Variants in KIAA1549 observed in about 807,000 individuals in gnomAD.
KIAA1549 encodes the protein KIAA1549, also known as UPF0606 protein KIAA1549.
KIAA1549 carries 70 observed loss-of-function variants against 156.4 expected under a neutral mutation model. The ratio of observed to expected loss-of-function variants is 0.45; its 90% CI spans 0.37 to 0.55. KIAA1549 has a LOEUF of 0.55. Among genes scored for constraint, KIAA1549 ranks in the 20% least tolerant of loss-of-function variants. KIAA1549 has a pLI of 0.00. For synonymous variants in KIAA1549, 1,103 were observed against 1,066.4 expected, an observed-to-expected ratio of 1.03 and a Z score of -0.67; for missense variants, 2,428 against 2,540.9, an observed-to-expected ratio of 0.96 and a Z score of 0.96.
intron 6 of KIAA1549, among the ~76,000 whole-genome samples, chr7:138,905,288 C>G (rs367738086): frequency 1.3e-5 from 2 of 152,160 alleles, no homozygotes; most frequent in African/African-American, 4.8e-5. Context: ...AAAGAAGGGC[C>G]GCTCCAGCTA....
chr7:138,857,667 T>C (rs935586459), intron 16 of KIAA1549, among the ~76,000 whole-genome samples: 3 of 152,250 alleles, frequency 2.0e-5, no homozygotes, highest in Non-Finnish European at 4.4e-5. Flanking sequence ...GAAGCTCTAA[T>C]ACTATGCACA....
At chr7:138,919,882 T>A (rs957540819) in intron 1 of KIAA1549, among the ~76,000 whole-genome samples, 1 of 151,836 alleles carries the variant, frequency 6.6e-6, no homozygotes, top group African/African-American at 2.4e-5. Context: ...GGCCTGTGTG[T>A]TTTCTCTTCA....
intron 19 of KIAA1549, among the ~76,000 whole-genome samples, chr7:138,838,723 A>G (rs1274628745): frequency 6.6e-6 from 1 of 152,182 alleles, no homozygotes; most frequent in Non-Finnish European, 1.5e-5. Flanking sequence ...ATTTATATGT[A>G]AGAGTACTTA....
chr7:138,899,356 C>T (rs34378443), intron 8 of KIAA1549, among the ~76,000 whole-genome samples: 17,462 of 152,166 alleles, frequency 0.11, 1,227 homozygotes, highest in South Asian at 0.21. Flanking sequence ...TCATCTCGCT[C>T]TACATCTTTT....
At chr7:138,881,030 C>T (rs532529277) in intron 11 of KIAA1549, among the ~76,000 whole-genome samples, 1 of 152,218 alleles carries the variant, frequency 6.6e-6, no homozygotes, top group African/African-American at 2.4e-5. Flanking sequence ...GCTGTGCACT[C>T]CTTCTATGTT....
In KIAA1549 at chr7:138,916,960, C is replaced by T; in HGVS notation, c.2666G>A (p.Gly889Asp). The T allele has an allele frequency of 6.2e-7, 1 of 1,603,276 alleles. No homozygotes were observed. The highest frequency in any genetic ancestry group is 8.5e-7 in the Non-Finnish European group (1 of 1,174,422). ...TSTEVSTTSTGAATGGPLDST... is the reference protein window; with the variant it reads ...TSTEVSTTSTDAATGGPLDST... ...GTCGAGGGGACCACCAGTGGCAGCA[C>T]CGGTGCTGGTTGTGCTCACTTCCGT... Residue 889 changes from glycine to aspartate, a missense_variant, in exon 2 of 20, where the codon GGT becomes GAT. Around this residue, in one of 5 missense-constraint regions of KIAA1549, gnomAD observed 762 missense variants for 901.6 expected, o/e 0.85. Coordinates refer to ENST00000422774, the MANE Select transcript of KIAA1549 (RefSeq NM_001164665.2).
At position 138,939,109 on chromosome 7, in the gene KIAA1549, A is replaced by G. The variant is rs568975933; in HGVS notation, c.188-19671T>C. On this transcript the variant is annotated intron_variant, in intron 1 of 19. Transcript: ENST00000422774. ...ACCCATTACTCAGCTTCAATCCCAT[A>G]AACTTTTTTTTAAAACACAAATAGA... is the stretch of plus-strand genomic sequence containing the variant. 1.6e-4 allele frequency among the ~76,000 whole-genome samples: 24 copies of G among 152,346 alleles called. No individual in the cohort carries two copies. In the East Asian group the frequency reaches 3.9e-3, roughly 24 times the overall value.
At position 138,981,104 on chromosome 7, in the gene KIAA1549, G is replaced by T. The variant is rs975101086; in HGVS notation, c.166C>A (p.Arg56=). The change falls in exon 1 of 20, where the codon CGG becomes AGG. Residue 56 remains arginine (R), a synonymous_variant. Transcript: ENST00000422774. The surrounding 1 kb of genome is among the most constrained non-coding windows in gnomAD (Gnocchi z 4.5). ...TTACCTGGGGCGCACGAGGCCGGCC[G>T]GGCCAGCAGCAGCAGCCAGAGGCCA... ...LPGLWLLLLA[R]PASCAPDELS... 10 of 1,224,472 alleles carry T rather than the reference G, an allele frequency of 8.2e-6. No individual in the cohort carries two copies. The highest frequency in any genetic ancestry group is 2.8e-4 in the Middle Eastern group (1 of 3,594). 75.9% of individuals were successfully genotyped at this position (1,224,472 alleles called of 1,614,324 possible).
At chr7:138,870,359 G>A (rs542134741) in intron 13 of KIAA1549, among the ~76,000 whole-genome samples, 25 of 152,286 alleles carry the variant, frequency 1.6e-4, no homozygotes, top group Middle Eastern at 3.4e-3. Flanking sequence ...GGGAAAAAAA[G>A]TCACTCGAAC....
intron 2 of KIAA1549, among the ~76,000 whole-genome samples, chr7:138,913,091 GTCT>G (rs1248144572): frequency 2.0e-5 from 3 of 152,060 alleles, no homozygotes; most frequent in African/African-American, 7.2e-5. Flanking sequence ...AGCCAGGATG[GTCT>G]TGATCTCCTA....
At chr7:138,881,361 G>T (rs374250158) in intron 11 of KIAA1549, 27 bp downstream of exon 11, 342 of 1,598,420 alleles carry the variant, frequency 2.1e-4, no homozygotes, top group Non-Finnish European at 2.3e-4. Flanking sequence ...CTGCAACAAA[G>T]AATAATACAG....
intron 17 of KIAA1549, among the ~76,000 whole-genome samples, chr7:138,846,286 G>A (rs1296425088): frequency 6.6e-6 from 1 of 152,120 alleles, no homozygotes; most frequent in African/African-American, 2.4e-5. Context: ...TGTAATCCCA[G>A]CACTTTGGGA....
At chr7:138,927,706 A>G (rs2130499265) in intron 1 of KIAA1549, among the ~76,000 whole-genome samples, 1 of 152,346 alleles carries the variant, frequency 6.6e-6, no homozygotes, top group Middle Eastern at 3.4e-3. Context: ...TAAATTTCTC[A>G]AAGTCGTTGA....
chr7:138,851,576 G>A (rs1163520560), intron 17 of KIAA1549, among the ~76,000 whole-genome samples: 1 of 151,686 alleles, frequency 6.6e-6, no homozygotes, highest in Non-Finnish European at 1.5e-5. Flanking sequence ...GTGTGGGGGT[G>A]TGTGTGGAAG....
At chr7:138,967,120 G>A (rs1447257417) in intron 1 of KIAA1549, among the ~76,000 whole-genome samples, 1 of 152,196 alleles carries the variant, frequency 6.6e-6, no homozygotes, top group African/African-American at 2.4e-5. Context: ...TGTATCCCAA[G>A]GGCCCAGCAC....
chr7:138,886,497 G>C (rs188965544), intron 10 of KIAA1549, among the ~76,000 whole-genome samples: 44 of 152,158 alleles, frequency 2.9e-4, no homozygotes, highest in Admixed American at 2.6e-3. Context: ...AGCTGATCTG[G>C]AACTGCAGGG....
intron 18 of KIAA1549, among the ~76,000 whole-genome samples, chr7:138,843,048 T>C (rs1326434440): frequency 6.6e-6 from 1 of 152,220 alleles, no homozygotes; most frequent in Non-Finnish European, 1.5e-5. Context: ...CTTCCAAAAA[T>C]TTAATAATTT....
chr7:138,979,504 G>A lies in KIAA1549; in HGVS notation c.187+1579C>T, dbSNP rs549478503. The stretch of plus-strand genomic sequence containing the variant: ...GGGATAACTATGCCTAACTCACAAC[G>A]TGATTGGATCGTGTATATAAAATTC... On this transcript the variant is annotated intron_variant, in intron 1 of 19. Coordinates refer to ENST00000422774, the MANE Select transcript of KIAA1549 (RefSeq NM_001164665.2). Among the ~76,000 whole-genome samples, 4 of 152,290 alleles carry A rather than the reference G, an allele frequency of 2.6e-5. No individual in the cohort carries two copies. The South Asian group carries it at 6.2e-4, about 24-fold the overall frequency.
At chr7:138,942,093 A>G (rs1185124919) in intron 1 of KIAA1549, among the ~76,000 whole-genome samples, 2 of 152,180 alleles carry the variant, frequency 1.3e-5, no homozygotes, top group South Asian at 2.1e-4. Context: ...CCGAGGCTCC[A>G]AAAGATTAAG....
Sources: gnomAD v4.1 joint callset for allele counts (sites outside exome capture counted in the v4.1 genomes callset) on GRCh38, gnomAD v4.1.1 for gene constraint, gnomAD v4.1.1 regional missense constraint, Gnocchi (gnomAD v3.1) non-coding constraint, MANE v1.5 for transcripts, NCBI Gene and HGNC (gene_info 2026-07-23, HGNC 2026-07-21) for gene names.